BHMT: variants seen among roughly 807,000 people sequenced by gnomAD.
BHMT encodes the protein betaine--homocysteine S-methyltransferase.
Under a neutral mutation model 49.5 loss-of-function variants are expected in BHMT, and 38 were observed. The ratio of observed to expected loss-of-function variants is 0.77; its 90% CI spans 0.59 to 1.01. BHMT has a LOEUF of 1.01. BHMT is among the 50% of genes least tolerant of loss of function. BHMT has a pLI of 0.00. For synonymous variants in BHMT, 166 were observed against 176.3 expected (o/e 0.94, Z 0.46); for missense variants, 426 against 495.7 (o/e 0.86, Z 1.34).
chr5:79,126,256 C>T, intron 6 of BHMT, 28 bp downstream of exon 6: 1 of 1,607,164 alleles, frequency 6.2e-7, no homozygotes, highest in South Asian at 1.1e-5. Flanking sequence ...TGAATCATCT[C>T]AATATCTTCA....
chr5:79,111,964 T>G, intron 1 of BHMT, 46 bp downstream of exon 1: 1 of 1,527,538 alleles, frequency 6.5e-7, no homozygotes, highest in Non-Finnish European at 8.8e-7. Context: ...CCCTCCCACC[T>G]GCTCTGTATC....
intron 1 of BHMT, among the ~76,000 whole-genome samples, chr5:79,115,271 C>T (rs1756368570): frequency 6.6e-6 from 1 of 151,168 alleles, no homozygotes; most frequent in African/African-American, 2.4e-5. Flanking sequence ...AGTTCAAGTT[C>T]CTCTGGGCAC....
intron 1 of BHMT, among the ~76,000 whole-genome samples, chr5:79,113,578 G>A (rs554608977): frequency 6.6e-6 from 1 of 152,280 alleles, no homozygotes; most frequent in South Asian, 2.1e-4. Flanking sequence ...AACAATGAGG[G>A]AAAGCACAAA....
intron 6 of BHMT, 98 bp from the exon 7 acceptor site, chr5:79,127,657 C>T: frequency 7.1e-7 from 1 of 1,411,342 alleles, no homozygotes; most frequent in Non-Finnish European, 9.5e-7. Context: ...ATATTGAAAA[C>T]AATTCATTTA....
intron 1 of BHMT, 76 bp downstream of exon 1, chr5:79,111,994 AG>A: frequency 6.9e-7 from 1 of 1,451,304 alleles, no homozygotes; most frequent in Non-Finnish European, 9.2e-7. Flanking sequence ...GGGAGCGCAG[AG>A]GGGCCCTCGG....
rs754922928 is a variant in BHMT at position 79,131,116 on chromosome 5, G to A, written c.1221G>A (p.Ter407=). Residue 407 remains the stop codon, a stop_retained_variant, in exon 8 of 8, where the codon TAG becomes TAA. Coordinates refer to ENST00000274353, the MANE Select transcript of BHMT (RefSeq NM_001713.3). ...LFEKQKFKSQ[*] The stretch of plus-strand genomic sequence containing the variant: ...AAAAACAAAAATTCAAATCACAGTA[G>A]CCTCGATAGAAGCTATTTTTGATGA... 6.2e-7 allele frequency: 1 copy of A among 1,608,138 alleles called. No individual in the cohort carries two copies. The highest frequency in any genetic ancestry group is 8.5e-7 in the Non-Finnish European group (1 of 1,177,400).
At chr5:79,129,132 A>C (rs1398878805) in intron 7 of BHMT, among the ~76,000 whole-genome samples, 1 of 152,216 alleles carries the variant, frequency 6.6e-6, no homozygotes, top group Non-Finnish European at 1.5e-5. Context: ...AGCTATTAAC[A>C]GAGCACAGCT....
chr5:79,125,429 C>T (rs1263777834), intron 5 of BHMT, among the ~76,000 whole-genome samples: 3 of 139,110 alleles, frequency 2.2e-5, no homozygotes, highest in Non-Finnish European at 4.5e-5. Context: ...GCACTCCAGC[C>T]TGGGCAACAG....
chr5:79,119,447 G>A, intron 3 of BHMT, 70 bp downstream of exon 3: 1 of 1,260,050 alleles, frequency 7.9e-7, no homozygotes. Flanking sequence ...AGCTCCCATA[G>A]AGAAAAGGGT....
chr5:79,116,611 A>G lies in BHMT; in HGVS notation c.166+712A>G, dbSNP rs1182788646. On this transcript the variant is annotated intron_variant, in intron 2 of 7. Transcript: ENST00000274353. Reference sequence around the variant, plus strand: ...GCTGCAAACTTACCCAACTGAAGAAATACTTCAGAATTTTATTTGACCTTT... The same window carrying G: ...GCTGCAAACTTACCCAACTGAAGAAGTACTTCAGAATTTTATTTGACCTTT... Among the ~76,000 whole-genome samples the G allele has an allele frequency of 2.0e-5, 3 of 152,216 alleles. 1 individual carries two copies. The highest frequency in any genetic ancestry group is 4.4e-5 in the Non-Finnish European group (3 of 68,028).
chr5:79,115,317 AAT>A (rs1378436955), intron 1 of BHMT, among the ~76,000 whole-genome samples: 1 of 151,976 alleles, frequency 6.6e-6, no homozygotes, highest in African/African-American at 2.4e-5. Flanking sequence ...AAAAAAAAAA[AAT>A]AGCATTCTAT....
At chr5:79,120,086 C>G (rs1756443763) in intron 3 of BHMT, among the ~76,000 whole-genome samples, 1 of 152,146 alleles carries the variant, frequency 6.6e-6, no homozygotes, top group South Asian at 2.1e-4. Context: ...CAGATAACAT[C>G]CTTCAATGTA....
chr5:79,130,891 G>C (rs369573195), intron 7 of BHMT, 42 bp from the exon 8 acceptor site: 25 of 1,494,764 alleles, frequency 1.7e-5, no homozygotes, highest in Non-Finnish European at 2.2e-5. Flanking sequence ...CAAAGCTAGG[G>C]GAGGAGTCTG....
rs538684708 is a variant in BHMT, at chr5:79,125,459, G to GAAA, written c.626-570_626-568dup. Among the ~76,000 whole-genome samples, 36 of 104,422 alleles carry GAAA rather than the reference G, an allele frequency of 3.4e-4. 1 individual carries two copies. The highest frequency in any genetic ancestry group is 8.2e-4 in the East Asian group (3 of 3,664). The allele number at this position is 104,422 out of a possible 152,430, so 68.5% of individuals were successfully genotyped here. ...CAACAGAGCAAGAGTCTGTGTCTCAGAAAAAAAAAAAAAAAAAAAGAGATG... is the reference window on the plus strand; with the variant it reads ...CAACAGAGCAAGAGTCTGTGTCTCAGAAAAAAAAAAAAAAAAAAAAAAGAGATG... On this transcript the variant is annotated intron_variant, in intron 5 of 7. Coordinates refer to ENST00000274353, the MANE Select transcript of BHMT (RefSeq NM_001713.3).
chr5:79,118,582 C>G (rs1484194845), intron 2 of BHMT, among the ~76,000 whole-genome samples: 1 of 152,224 alleles, frequency 6.6e-6, no homozygotes, highest in Non-Finnish European at 1.5e-5. Context: ...CCAGAATTAT[C>G]TTTTGAAAAC....
At chr5:79,115,570 C>T (rs776869782) in intron 1 of BHMT, among the ~76,000 whole-genome samples, 197 bp from the exon 2 acceptor site, 6 of 152,086 alleles carry the variant, frequency 3.9e-5, no homozygotes, top group African/African-American at 7.2e-5. Flanking sequence ...CAAAGGAATA[C>T]ACAAATGTTT....
intron 5 of BHMT, among the ~76,000 whole-genome samples, chr5:79,121,817 T>TTA (rs375863684): frequency 7.9e-6 from 1 of 126,234 alleles, no homozygotes; most frequent in African/African-American, 3.0e-5. Context: ...TCCGTCTCAA[T>TTA]AAAAAAAAAA....
chr5:79,130,136 T>G (rs897044853), intron 7 of BHMT, among the ~76,000 whole-genome samples: 2 of 151,922 alleles, frequency 1.3e-5, no homozygotes, highest in African/African-American at 4.8e-5. Context: ...ATCGTACCAC[T>G]GCACTCCAGA....
rs1291255495 is a variant in BHMT at position 79,120,343 on chromosome 5, A to G, written c.286-7A>G. On this transcript the variant is annotated splice_region_variant and splice_polypyrimidine_tract_variant and intron_variant, in intron 3 of 7. Coordinates refer to ENST00000274353, the MANE Select transcript of BHMT (RefSeq NM_001713.3). ...ATTTAGATGTCTCATATACTCACCC[A>G]TTTTAGGGGCAGGAAGTCAATGAAG... 1.0e-5 allele frequency: 16 copies of G among 1,601,474 alleles called. No individual in the cohort carries two copies. Among genetic ancestry groups the G allele is most frequent in the Admixed American group, 1.8e-5 (1 of 56,472 alleles).
Sources: gnomAD v4.1 joint callset for allele counts (sites outside exome capture counted in the v4.1 genomes callset) on GRCh38, gnomAD v4.1.1 for gene constraint, MANE v1.5 for transcripts, NCBI Gene and HGNC (gene_info 2026-07-23, HGNC 2026-07-21) for gene names.